Variants in DNAAF11 observed in about 807,000 individuals in gnomAD.
DNAAF11 encodes the protein leucine rich repeat containing 6.
In DNAAF11, 45 loss-of-function variants were observed where a neutral mutation model predicts 60.8. The observed-to-expected ratio is 0.74, with a 90% CI of 0.58 to 0.95. DNAAF11 has a LOEUF of 0.95. Ranked by LOEUF, DNAAF11 falls within the 40% of genes least tolerant of loss-of-function variation. The pLI, the probability that DNAAF11 is intolerant of heterozygous loss-of-function variation, is 0.00. For synonymous variants in DNAAF11, 191 were observed against 183.5 expected, an observed-to-expected ratio of 1.04 and a Z score of -0.33; for missense variants, 546 against 546.2, an observed-to-expected ratio of 1.00 and a Z score of 0.00.
intron 4 of DNAAF11, among the ~76,000 whole-genome samples, chr8:132,634,871 A>G (rs112038559): frequency 0.022 from 3,400 of 151,470 alleles, 154 homozygotes; most frequent in African/African-American, 0.077. Flanking sequence ...TCTTTCAACT[A>G]GGATTTCTTC....
intron 10 of DNAAF11, among the ~76,000 whole-genome samples, chr8:132,609,543 C>A (rs1818446358): frequency 6.6e-6 from 1 of 152,142 alleles, no homozygotes; most frequent in Non-Finnish European, 1.5e-5. Flanking sequence ...TTCAGCTAAA[C>A]TGACCTAAGA....
chr8:132,600,156 T>C lies in DNAAF11; in HGVS notation c.1140+10010A>G, dbSNP rs191156424. ...AGATGACAGAGAGCCAAATCATGAG[T>C]GAACTCCCATTCACAATTGCTTCAA... On this transcript the variant is annotated intron_variant, in intron 10 of 11. Transcript: ENST00000620350. Among the ~76,000 whole-genome samples, 1,328 of 152,188 alleles carry C rather than the reference T, an allele frequency of 8.7e-3. 20 individuals are homozygous for C. The highest frequency in any genetic ancestry group is 0.03 in the African/African-American group (1,258 of 41,514).
At chr8:132,680,022 G>T (rs758132660), upstream of DNAAF11, among the ~76,000 whole-genome samples, 7 of 152,164 alleles carry the variant, frequency 4.6e-5, no homozygotes, top group Non-Finnish European at 8.8e-5. Context: ...AGGCTGGCTG[G>T]TTATGATGTG....
intron 6 of DNAAF11, among the ~76,000 whole-genome samples, chr8:132,624,000 C>G (rs1477790666): frequency 6.6e-6 from 1 of 152,094 alleles, no homozygotes; most frequent in African/African-American, 2.4e-5. Flanking sequence ...ACTCAGATCT[C>G]CATCCAATTC....
chr8:132,637,592 G>A (rs542503510), intron 4 of DNAAF11, among the ~76,000 whole-genome samples: 12 of 150,108 alleles, frequency 8.0e-5, no homozygotes, highest in Non-Finnish European at 1.6e-4. Flanking sequence ...GTGACAGAGT[G>A]AGACTCCATC....
At chr8:132,605,745 GGCCTCAGTGATATAATGACACTTGAGCA>G (rs1818062446) in intron 10 of DNAAF11, among the ~76,000 whole-genome samples, 1 of 152,152 alleles carries the variant, frequency 6.6e-6, no homozygotes. Context: ...TATCAGGAAG[GGCCTCAGTGATATAATGACACTTGAGCA>G]GAAAGCAAAT....
At chr8:132,649,877 G>A (rs1822823259) in intron 3 of DNAAF11, among the ~76,000 whole-genome samples, 1 of 152,196 alleles carries the variant, frequency 6.6e-6, no homozygotes, top group African/African-American at 2.4e-5. Context: ...AACAGGTGCT[G>A]GAGAGGATGT....
chr8:132,662,490 A>G (rs1025234003), intron 1 of DNAAF11, among the ~76,000 whole-genome samples: 2 of 152,214 alleles, frequency 1.3e-5, no homozygotes, highest in South Asian at 2.1e-4. Context: ...GAACCCTCAC[A>G]TCTTCTGTAG....
chr8:132,615,518 T>C (rs1324335254), intron 7 of DNAAF11, among the ~76,000 whole-genome samples: 1 of 152,232 alleles, frequency 6.6e-6, no homozygotes, highest in East Asian at 1.9e-4. Context: ...GAGTCCTGTC[T>C]TCCTTCTTTT....
the DNAAF11 span, among the ~76,000 whole-genome samples, chr8:132,688,756 C>T: frequency 1.3e-5 from 2 of 152,144 alleles, no homozygotes; most frequent in Non-Finnish European, 2.9e-5. Flanking sequence ...TCAAGCTGTA[C>T]CTGAAAGTCA....
At chr8:132,592,176 T>C (rs1490542808) in intron 10 of DNAAF11, among the ~76,000 whole-genome samples, 1 of 152,176 alleles carries the variant, frequency 6.6e-6, no homozygotes, top group East Asian at 1.9e-4. Context: ...ACAGTTCTTG[T>C]TTCAGGGAGC....
chr8:132,699,250 G>T, the DNAAF11 span, among the ~76,000 whole-genome samples: 1 of 152,070 alleles, frequency 6.6e-6, no homozygotes, highest in African/African-American at 2.4e-5. Context: ...TGTGGGGGAG[G>T]TATTTGCATG....
intron 10 of DNAAF11, among the ~76,000 whole-genome samples, 163 bp downstream of exon 10, chr8:132,610,002 TG>T (rs1818493634): frequency 6.6e-6 from 1 of 152,208 alleles, no homozygotes; most frequent in African/African-American, 2.4e-5. Context: ...CTGAGTTCTT[TG>T]TTCTCACAGA....
chr8:132,695,420 G>C, the DNAAF11 span, among the ~76,000 whole-genome samples: 2 of 152,202 alleles, frequency 1.3e-5, no homozygotes, highest in African/African-American at 4.8e-5. Flanking sequence ...ATTGGCCTTA[G>C]ACAGCAGCAA....
intron 10 of DNAAF11, among the ~76,000 whole-genome samples, chr8:132,601,849 C>T (rs1047701246): frequency 3.6e-4 from 55 of 151,994 alleles, no homozygotes; most frequent in African/African-American, 1.2e-3. Context: ...TGCAGCACAC[C>T]AACATGGTGC....
chr8:132,591,681 G>A (rs1022602508), intron 10 of DNAAF11, among the ~76,000 whole-genome samples: 4 of 151,928 alleles, frequency 2.6e-5, no homozygotes, highest in African/African-American at 7.2e-5. Flanking sequence ...TCACTAAAAT[G>A]TAAACTCCAT....
chr8:132,683,298 T>A, the DNAAF11 span, among the ~76,000 whole-genome samples: 1 of 152,166 alleles, frequency 6.6e-6, no homozygotes, highest in South Asian at 2.1e-4. Context: ...TTTTGTTTGA[T>A]GTTGAAGGTG....
intron 6 of DNAAF11, among the ~76,000 whole-genome samples, chr8:132,624,935 T>A (rs1820098630): frequency 6.6e-6 from 1 of 152,126 alleles, no homozygotes; most frequent in Non-Finnish European, 1.5e-5. Flanking sequence ...AAGGAGCCCA[T>A]TCATTCCACA....
At chr8:132,694,240 A>G in the DNAAF11 span, among the ~76,000 whole-genome samples, 7 of 152,202 alleles carry the variant, frequency 4.6e-5, no homozygotes, top group Admixed American at 1.3e-4. Context: ...GTTGTAAGAG[A>G]AAGAAAGGAA....
Sources: gnomAD v4.1 joint callset for allele counts (sites outside exome capture counted in the v4.1 genomes callset) on GRCh38, gnomAD v4.1.1 for gene constraint, MANE v1.5 for transcripts, NCBI Gene and HGNC (gene_info 2026-07-23, HGNC 2026-07-21) for gene names.